TCF4: variants seen among roughly 807,000 people sequenced by gnomAD.
TCF4 encodes the protein SL3-3 enhancer factor 2.
A neutral mutation model predicts 82.1 loss-of-function variants in TCF4; 3 were observed. That is an observed-to-expected ratio of 0.04 (90% CI 0.02 to 0.09). TCF4 has a LOEUF of 0.09. Ranked by LOEUF, TCF4 falls within the 10% of genes least tolerant of loss-of-function variation. The probability of loss-of-function intolerance (pLI) is 1.00; values close to 1 mark genes in which losing one functional copy is unlikely to be tolerated. For missense variants in TCF4, 518 were observed against 852.7 expected (o/e 0.61, Z 4.89); for synonymous variants, 276 against 309.6 (o/e 0.89, Z 1.14).
chr18:55,312,405 C>T lies in TCF4; in HGVS notation c.550-32749G>A, dbSNP rs183045756. ...AGCTACTTAGCCATGATCTATTTGTCCTTTCTCATCTGTTTTTCCTTTTTC... is the reference window on the plus strand; with the variant it reads ...AGCTACTTAGCCATGATCTATTTGTTCTTTCTCATCTGTTTTTCCTTTTTC... On this transcript the variant is annotated intron_variant, in intron 8 of 19. Coordinates refer to ENST00000354452, the MANE Select transcript of TCF4 (RefSeq NM_001083962.2). 1.5e-3 allele frequency among the ~76,000 whole-genome samples: 223 copies of T among 152,232 alleles called. 1 individual carries two copies. The highest frequency in any genetic ancestry group is 4.8e-3 in the African/African-American group (198 of 41,550).
intron 2 of TCF4, among the ~76,000 whole-genome samples, chr18:55,603,408 T>C (rs964105543): frequency 2.6e-5 from 4 of 152,182 alleles, no homozygotes; most frequent in African/African-American, 9.7e-5. Flanking sequence ...TATAAAGAGC[T>C]CATGTATTCG....
intron 5 of TCF4, among the ~76,000 whole-genome samples, chr18:55,414,837 C>T (rs1447151617): frequency 1.3e-5 from 2 of 152,196 alleles, no homozygotes; most frequent in African/African-American, 4.8e-5. Context: ...AAATATTTTA[C>T]TCAAACTACC....
intron 14 of TCF4, 84 bp from the exon 15 acceptor site, chr18:55,254,784 AACAC>A: frequency 8.2e-7 from 1 of 1,219,078 alleles, no homozygotes; most frequent in Non-Finnish European, 1.2e-6. Flanking sequence ...GTCGACAAAA[AACAC>A]ACTGTGTTTC....
intron 6 of TCF4, among the ~76,000 whole-genome samples, chr18:55,375,941 A>C (rs75289199): frequency 0.01 from 1,507 of 150,536 alleles, 24 homozygotes; most frequent in Middle Eastern, 0.038. Flanking sequence ...AAGTCCTTTT[A>C]TATTTTACTC....
intron 8 of TCF4, among the ~76,000 whole-genome samples, chr18:55,319,740 T>C (rs1282119063): frequency 2.0e-5 from 3 of 151,930 alleles, no homozygotes; most frequent in Non-Finnish European, 4.4e-5. Flanking sequence ...ATTAGTGATA[T>C]GATGTCATAT....
At chr18:55,527,201 C>G (rs933331234) in intron 3 of TCF4, among the ~76,000 whole-genome samples, 8 of 152,218 alleles carry the variant, frequency 5.3e-5, no homozygotes, top group Admixed American at 3.3e-4. Context: ...TAAGGCAACA[C>G]TGACCCCATA....
intron 5 of TCF4, among the ~76,000 whole-genome samples, chr18:55,424,226 T>C (rs1401496711): frequency 1.3e-5 from 2 of 152,160 alleles, no homozygotes; most frequent in African/African-American, 2.4e-5. Context: ...TAGGAAGACT[T>C]TTCTTAGCCC....
At chr18:55,608,118 G>A (rs2097703780) in intron 2 of TCF4, among the ~76,000 whole-genome samples, 2 of 152,128 alleles carry the variant, frequency 1.3e-5, no homozygotes, top group Non-Finnish European at 2.9e-5. Context: ...GAATTTCCTA[G>A]ACCACAAAAA....
chr18:55,501,365 ATATTT>A (rs1160284147), intron 3 of TCF4, among the ~76,000 whole-genome samples: 1 of 152,238 alleles, frequency 6.6e-6, no homozygotes, highest in African/African-American at 2.4e-5. Context: ...CCATAACAAT[ATATTT>A]TATTTTTAAC....
intron 8 of TCF4, among the ~76,000 whole-genome samples, chr18:55,325,884 C>A (rs2076473660): frequency 2.0e-5 from 3 of 152,150 alleles, no homozygotes; most frequent in African/African-American, 7.2e-5. Flanking sequence ...AATTAAATAA[C>A]CACCTCAGGT....
chr18:55,296,394 T>C (rs1243349341), intron 8 of TCF4, among the ~76,000 whole-genome samples: 1 of 152,138 alleles, frequency 6.6e-6, no homozygotes, highest in Admixed American at 6.6e-5. Context: ...CTCTCTTGAG[T>C]GCAATGTGGG....
intron 3 of TCF4, among the ~76,000 whole-genome samples, chr18:55,552,086 C>A (rs1028547765): frequency 6.6e-6 from 1 of 152,172 alleles, no homozygotes; most frequent in Non-Finnish European, 1.5e-5. Flanking sequence ...TCTCTAAGTG[C>A]AAAGCAATCC....
chr18:55,252,827 T>G (rs2055640278), intron 15 of TCF4, among the ~76,000 whole-genome samples: 1 of 152,138 alleles, frequency 6.6e-6, no homozygotes, highest in African/African-American at 2.4e-5. Flanking sequence ...TAAAGCCAGA[T>G]TTCTTAATTA....
At chr18:55,257,181 CGCAAACCTGTGT>C (rs2057053475) in intron 14 of TCF4, 122 bp downstream of exon 14, 1 of 915,382 alleles carries the variant, frequency 1.1e-6, no homozygotes, top group South Asian at 1.4e-5. Context: ...CTCTGGCTCC[CGCAAACCTGTGT>C]GCTTAATGCT....
chr18:55,619,468 T>C (rs772799340), intron 2 of TCF4, among the ~76,000 whole-genome samples: 9 of 152,188 alleles, frequency 5.9e-5, no homozygotes, highest in Non-Finnish European at 1.0e-4. Context: ...TATTTCAGTA[T>C]ATTCAAGTTC....
intron 6 of TCF4, chr18:55,351,241 T>C (rs1446597714): frequency 2.1e-6 from 1 of 480,760 alleles, no homozygotes. Context: ...TAAACAATAT[T>C]TTTTTAAGTC....
intron 17 of TCF4, 21 bp downstream of exon 17, chr18:55,232,488 G>T: frequency 6.2e-7 from 1 of 1,607,264 alleles, no homozygotes; most frequent in South Asian, 1.1e-5. Flanking sequence ...TAAATGAAGC[G>T]ACAGTATTAT....
At chr18:55,607,741 C>T (rs1213137351) in intron 2 of TCF4, among the ~76,000 whole-genome samples, 1 of 152,134 alleles carries the variant, frequency 6.6e-6, no homozygotes, top group Non-Finnish European at 1.5e-5. Flanking sequence ...GCTATCATTC[C>T]GTCAATAATG....
chr18:55,322,487 G>A (rs551518475), intron 8 of TCF4: 1 of 1,003,822 alleles, frequency 1.0e-6, no homozygotes, highest in South Asian at 4.7e-5. Context: ...GGAGAGAGGG[G>A]GCAGTGTTTT....
Sources: allele counts gnomAD v4.1 joint callset (sites outside exome capture counted in the v4.1 genomes callset), GRCh38; gene constraint gnomAD v4.1.1; transcripts MANE v1.5; gene names NCBI Gene and HGNC (gene_info 2026-07-23, HGNC 2026-07-21).